The following NKAIN1 variants were observed in gnomAD, a reference collection of about 807,000 sequenced individuals.
NKAIN1 encodes the protein sodium/potassium transporting ATPase interacting 1, also known as sodium/potassium-transporting ATPase subunit beta-1-interacting protein 1.
Under a neutral mutation model 31.6 loss-of-function variants are expected in NKAIN1, and 13 were observed. That is an observed-to-expected ratio of 0.41 (90% CI 0.27 to 0.65). The LOEUF (loss-of-function observed/expected upper bound fraction) is 0.65, where lower values mean the gene tolerates loss of function less well. NKAIN1 is among the 30% of genes least tolerant of loss of function. The pLI is 0.30. For synonymous variants in NKAIN1, 104 were observed against 109.0 expected (o/e 0.95, Z 0.28); for missense variants, 193 against 262.2 (o/e 0.74, Z 1.82).
At chr1:31,215,908 T>C (rs1185007222) in intron 1 of NKAIN1, among the ~76,000 whole-genome samples, 1 of 152,084 alleles carries the variant, frequency 6.6e-6, no homozygotes, top group Non-Finnish European at 1.5e-5. Context: ...GCACTTTTTG[T>C]GCCCCATGTC....
intron 1 of NKAIN1, among the ~76,000 whole-genome samples, chr1:31,206,212 G>A (rs1032206084): frequency 4.2e-5 from 2 of 47,174 alleles, no homozygotes; most frequent in Admixed American, 5.8e-4. Context: ...TCCAGCCTGG[G>A]CAACAAGAGC....
At chr1:31,223,837 A>G (rs892300419) in intron 1 of NKAIN1, among the ~76,000 whole-genome samples, 5 of 152,266 alleles carry the variant, frequency 3.3e-5, no homozygotes, top group South Asian at 2.1e-4. Flanking sequence ...TGCATTTCCT[A>G]TTGTCCTTGT....
chr1:31,203,587 A>ATTTTTT (rs374430209), intron 1 of NKAIN1, among the ~76,000 whole-genome samples: 13 of 142,628 alleles, frequency 9.1e-5, no homozygotes, highest in South Asian at 2.2e-4. Flanking sequence ...TCGAGGAGTA[A>ATTTTTT]TTTTTTTTTT....
intron 1 of NKAIN1, among the ~76,000 whole-genome samples, chr1:31,204,213 T>C (rs911822770): frequency 6.6e-6 from 1 of 152,086 alleles, no homozygotes; most frequent in East Asian, 1.9e-4. Context: ...CCCAGGGCTT[T>C]ATTCTGCTGG....
At chr1:31,201,256 CAGA>C (rs1645377490) in intron 1 of NKAIN1, among the ~76,000 whole-genome samples, 1 of 152,090 alleles carries the variant, frequency 6.6e-6, no homozygotes, top group Non-Finnish European at 1.5e-5. Context: ...CCAAATCTCC[CAGA>C]AGATCAGTAA....
In NKAIN1 at chr1:31,188,171, C is replaced by T. The variant is rs868277986; in HGVS notation, c.71G>A (p.Arg24Gln). 7 of 1,551,532 alleles carry T rather than the reference C, an allele frequency of 4.5e-6. No individual in the cohort carries two copies. The highest frequency in any genetic ancestry group is 6.1e-6 in the Non-Finnish European group (7 of 1,146,902). The change falls in exon 2 of 7, where the codon CGG (arginine) becomes CAG (glutamine). Residue 24 changes from arginine (R) to glutamine (Q), a missense_variant. Coordinates refer to ENST00000373736, the MANE Select transcript of NKAIN1 (RefSeq NM_024522.3). ...GTAGCCCAGGAAGTCAAAGATCTGC[C>T]GCTCCAGCGCAGCCACCTGTGGAAG... The part of the protein sequence containing the change: ...CCLQLVAALE[R>Q]QIFDFLGYQW...
intron 1 of NKAIN1, among the ~76,000 whole-genome samples, chr1:31,213,235 T>A (rs370626128): frequency 6.6e-6 from 1 of 151,950 alleles, no homozygotes; most frequent in East Asian, 1.9e-4. Flanking sequence ...ACTTTTGCAA[T>A]TCACCAGTAA....
rs182348183 is a variant in NKAIN1 at position 31,202,913 on chromosome 1, G to T, written c.55-14726C>A. The stretch of plus-strand genomic sequence containing the variant: ...AATCATTTGAACCCAGGAGGTGGAG[G>T]TTGCAGTGAGCTGAGATCACACCAC... On this transcript the variant is annotated intron_variant, in intron 1 of 6. Coordinates refer to ENST00000373736, the MANE Select transcript of NKAIN1 (RefSeq NM_024522.3). Among the ~76,000 whole-genome samples the T allele has an allele frequency of 9.7e-4, 144 of 148,854 alleles. 1 individual carries two copies. Among genetic ancestry groups the T allele is most frequent in the African/African-American group, 3.4e-3 (136 of 40,484 alleles).
chr1:31,236,942 C>A (rs1382136677), intron 1 of NKAIN1, among the ~76,000 whole-genome samples: 1 of 152,160 alleles, frequency 6.6e-6, no homozygotes, highest in African/African-American at 2.4e-5. Context: ...GAGGACCTGG[C>A]CAACTGCCTG....
At chr1:31,220,489 T>C (rs1313382892) in intron 1 of NKAIN1, among the ~76,000 whole-genome samples, 1 of 151,908 alleles carries the variant, frequency 6.6e-6, no homozygotes, top group East Asian at 2.0e-4. Context: ...GCACGGTGGC[T>C]CACGCCTATA....
chr1:31,182,838 G>A (rs1015892117), intron 4 of NKAIN1, among the ~76,000 whole-genome samples: 2 of 152,170 alleles, frequency 1.3e-5, no homozygotes, highest in Non-Finnish European at 2.9e-5. Flanking sequence ...ACTTGGACTT[G>A]GGCAATACCT....
intron 1 of NKAIN1, among the ~76,000 whole-genome samples, chr1:31,232,468 G>T (rs925821685): frequency 3.1e-5 from 4 of 128,372 alleles, no homozygotes; most frequent in African/African-American, 1.2e-4. Context: ...GAGAGAGAGA[G>T]AGAGTGGGGG....
chr1:31,187,534 T>C (rs1645252797), intron 2 of NKAIN1, among the ~76,000 whole-genome samples: 1 of 152,122 alleles, frequency 6.6e-6, no homozygotes, highest in African/African-American at 2.4e-5. Context: ...AGAAACTAAA[T>C]AAGATGAAGC....
intron 1 of NKAIN1, among the ~76,000 whole-genome samples, chr1:31,232,461 A>AGAGG (rs1645661231): frequency 5.6e-5 from 7 of 124,394 alleles, no homozygotes; most frequent in African/African-American, 1.9e-4. Context: ...AGAGAGAGAG[A>AGAGG]GAGAGAGAGA....
At chr1:31,231,928 A>AT (rs1052968836) in intron 1 of NKAIN1, among the ~76,000 whole-genome samples, 4 of 139,816 alleles carry the variant, frequency 2.9e-5, no homozygotes, top group East Asian at 4.2e-4. Context: ...TTTTTTTTTA[A>AT]TTTTTTTTGA....
intron 1 of NKAIN1, among the ~76,000 whole-genome samples, chr1:31,221,587 C>T (rs1645565600): frequency 6.6e-6 from 1 of 151,972 alleles, no homozygotes; most frequent in Non-Finnish European, 1.5e-5. Flanking sequence ...AGGCACGCGC[C>T]ACCAAGCCCA....
In NKAIN1 at chr1:31,239,531, C is replaced by G; in HGVS notation, c.17G>C (p.Gly6Ala). The part of the protein sequence containing the change: MGKCS[G>A]RCTLVAFCCL... ...GCAGAAGGCGACCAGCGTGCAGCGC[C>G]CGCTGCACTTGCCCATGGCTCCGGG... The change falls in exon 1 of 7, where the codon GGG becomes GCG. Residue 6 changes from glycine to alanine, a missense_variant. Coordinates refer to ENST00000373736, the MANE Select transcript of NKAIN1 (RefSeq NM_024522.3). The surrounding 1 kb of genome is among the most constrained non-coding windows in gnomAD (Gnocchi z 4.8). 1 of 1,354,008 alleles carries G rather than the reference C, an allele frequency of 7.4e-7. No individual in the cohort carries two copies. The highest frequency in any genetic ancestry group is 9.5e-7 in the Non-Finnish European group (1 of 1,057,356). 83.9% of individuals were successfully genotyped at this position (1,354,008 alleles called of 1,614,324 possible).
rs924451993 is a variant in NKAIN1, at chr1:31,180,384, G to A, written c.*1319C>T. The A allele has an allele frequency of 6.6e-6, 1 of 152,222 alleles. No individual in the cohort carries two copies. The highest frequency in any genetic ancestry group is 1.5e-5 in the Non-Finnish European group (1 of 68,062). The allele number at this position is 152,222 out of a possible 1,614,324, so 9.4% of individuals were successfully genotyped here. A position where few individuals can be genotyped will look rare whatever the true frequency, so the allele number is the denominator to read the frequency against. ...AGGAGTGTCTGTGGAGGGAGGTGGG[G>A]AAAGTGTTCTCACCTCTACTTGCCC... On this transcript the variant is annotated 3_prime_UTR_variant, in exon 7 of 7. Transcript: ENST00000373736.
intron 2 of NKAIN1, 64 bp from the exon 3 acceptor site, chr1:31,185,391 G>A: frequency 7.6e-7 from 1 of 1,309,110 alleles, no homozygotes. Flanking sequence ...AGTGTCAATG[G>A]AGACAGAGCT....
Sources: gnomAD v4.1 joint callset for allele counts (sites outside exome capture counted in the v4.1 genomes callset) on GRCh38, gnomAD v4.1.1 for gene constraint, Gnocchi (gnomAD v3.1) non-coding constraint, MANE v1.5 for transcripts, NCBI Gene and HGNC (gene_info 2026-07-23, HGNC 2026-07-21) for gene names.